PLEKHA8: variants seen among roughly 807,000 people sequenced by gnomAD.
The protein encoded by PLEKHA8 is pleckstrin homology domain containing A8.
PLEKHA8 carries 36 observed loss-of-function variants against 68.2 expected under a neutral mutation model. The ratio of observed to expected loss-of-function variants is 0.53; its 90% CI spans 0.40 to 0.70. PLEKHA8 has a LOEUF of 0.70. Ranked by LOEUF, PLEKHA8 falls within the 30% of genes least tolerant of loss-of-function variation. PLEKHA8 has a pLI of 0.00. For synonymous variants in PLEKHA8, 211 were observed against 216.1 expected, an observed-to-expected ratio of 0.98 and a Z score of 0.20; for missense variants, 505 against 615.4, an observed-to-expected ratio of 0.82 and a Z score of 1.90.
intron 4 of PLEKHA8, 117 bp from the exon 5 acceptor site, chr7:30,049,107 A>G (rs770858904): frequency 6.6e-5 from 80 of 1,216,736 alleles, no homozygotes; most frequent in Non-Finnish European, 8.4e-5. Flanking sequence ...TGATGTACAT[A>G]TTTCAGCAGG....
chr7:30,119,023 G>C (rs900212846), intron 13 of PLEKHA8, among the ~76,000 whole-genome samples: 2 of 152,264 alleles, frequency 1.3e-5, no homozygotes, highest in East Asian at 3.9e-4. Flanking sequence ...ATCAATGGTG[G>C]CCTGAGGGGC....
downstream of PLEKHA8, among the ~76,000 whole-genome samples, chr7:30,093,664 G>A (rs1795499734): frequency 6.6e-6 from 1 of 152,202 alleles, no homozygotes; most frequent in Admixed American, 6.5e-5. Context: ...AATGAGGCAG[G>A]GGATGTAAAT....
rs377635094 is a variant in PLEKHA8, at chr7:30,047,801, G to A, written c.314-31G>A. The stretch of plus-strand genomic sequence containing the variant: ...ACTAGTAAATCAGTTGTTTGTTCTG[G>A]TTACTGCATTATCATCATTTTGTCA... On this transcript the variant is annotated intron_variant, in intron 3 of 13. Coordinates refer to ENST00000449726, the MANE Select transcript of PLEKHA8 (RefSeq NM_001197026.2). The A allele has an allele frequency of 1.7e-5, 27 of 1,594,902 alleles. No homozygotes were observed. The African/African-American group carries it at 2.0e-4, about 12-fold the overall frequency.
At chr7:30,101,417 TGCCAGAAACCG>T (rs1795849422) in intron 13 of PLEKHA8, among the ~76,000 whole-genome samples, 1 of 103,098 alleles carries the variant, frequency 9.7e-6, no homozygotes, top group Non-Finnish European at 2.1e-5. Flanking sequence ...GCCAGCATGG[TGCCAGAAACCG>T]TGGTCGGGTT....
chr7:30,118,202 G>C (rs1796629061), intron 13 of PLEKHA8: 1 of 432,172 alleles, frequency 2.3e-6, no homozygotes, highest in African/African-American at 2.0e-5. Flanking sequence ...CCTGAGTTAA[G>C]TGAGATCTAA....
intron 1 of PLEKHA8, among the ~76,000 whole-genome samples, chr7:30,036,184 A>C (rs1791059419): frequency 6.6e-6 from 1 of 152,030 alleles, no homozygotes; most frequent in Non-Finnish European, 1.5e-5. Flanking sequence ...TGAACCCAGA[A>C]GGTGGAGGTT....
rs777197244 is a variant in PLEKHA8, at chr7:30,045,161, T to C, written c.117T>C (p.Gly39=). 2.2e-5 allele frequency: 35 copies of C among 1,612,288 alleles called. No homozygotes were observed. The highest frequency in any genetic ancestry group is 2.9e-5 in the Non-Finnish European group (34 of 1,179,026). ...ATTCTCCTGAAGATGCCTGGAAAGG[T>C]TGCAAAGGGAGCATACAAATGGCAG... ...YYDSPEDAWK[G]CKGSIQMAVC... is the part of the protein sequence containing the mutation. Residue 39 remains glycine, a synonymous_variant, in exon 2 of 14, where the codon GGT becomes GGC. Transcript: ENST00000449726.
chr7:30,049,534 C>A, intron 5 of PLEKHA8, 152 bp downstream of exon 5: 1 of 937,734 alleles, frequency 1.1e-6, no homozygotes, highest in Non-Finnish European at 1.5e-6. Flanking sequence ...CTGTCCTCAG[C>A]ACCCCATATC....
intron 1 of PLEKHA8, among the ~76,000 whole-genome samples, chr7:30,029,368 G>A (rs1475571936): frequency 6.6e-6 from 1 of 152,088 alleles, no homozygotes; most frequent in East Asian, 1.9e-4. Context: ...TTATTTTCTC[G>A]TTGAGCATTT....
chr7:30,031,362 A>T (rs1332343399), intron 1 of PLEKHA8, among the ~76,000 whole-genome samples: 1 of 152,190 alleles, frequency 6.6e-6, no homozygotes, highest in Non-Finnish European at 1.5e-5. Context: ...CTGAAGGATA[A>T]ATCAAGCTGT....
At position 30,124,124 on chromosome 7, in the gene PLEKHA8, G is replaced by A. The variant is rs190802457; in HGVS notation, c.1363-5142G>A. On this transcript the variant is annotated intron_variant, in intron 13 of 13. Transcript: ENST00000396257. ...AACTGTGTGTGTGCTTTTGTTTTCC[G>A]AGGAAGAAGAGTAATTTTTCCTAAA... Among the ~76,000 whole-genome samples the A allele has an allele frequency of 2.2e-3, 339 of 152,284 alleles. 2 individuals are homozygous for A. Among genetic ancestry groups the A allele is most frequent in the African/African-American group, 7.7e-3 (322 of 41,556 alleles).
chr7:30,082,434 G>A lies in PLEKHA8; in HGVS notation c.*3647G>A, dbSNP rs139738533. 5.3e-4 allele frequency: 525 copies of A among 985,280 alleles called. 7 individuals are homozygous for A. The Admixed American group carries it at 0.022, about 42-fold the overall frequency. The allele number at this position is 985,280 out of a possible 1,614,324, so 61.0% of individuals were successfully genotyped here. A position where few individuals can be genotyped will look rare whatever the true frequency, so the allele number is the denominator to read the frequency against. ...TGCGTGCCTGATCAGTGGGGATTCTGTTCCCCCACCCCCCAGACTGCAAGA... is the reference window on the plus strand; with the variant it reads ...TGCGTGCCTGATCAGTGGGGATTCTATTCCCCCACCCCCCAGACTGCAAGA... On this transcript the variant is annotated 3_prime_UTR_variant, in exon 14 of 14. Coordinates refer to ENST00000449726, the MANE Select transcript of PLEKHA8 (RefSeq NM_001197026.2).
intron 13 of PLEKHA8, among the ~76,000 whole-genome samples, chr7:30,076,820 G>A (rs922534051): frequency 2.1e-4 from 32 of 152,156 alleles, no homozygotes; most frequent in African/African-American, 6.5e-4. Flanking sequence ...TTTCTAACAT[G>A]CTAACTTGCA....
chr7:30,056,182 A>G (rs1792841646), intron 9 of PLEKHA8, among the ~76,000 whole-genome samples: 1 of 148,798 alleles, frequency 6.7e-6, no homozygotes, highest in Admixed American at 6.7e-5. Flanking sequence ...TGACCTCGTG[A>G]TCCGCCTGCC....
intron 13 of PLEKHA8, among the ~76,000 whole-genome samples, chr7:30,104,965 A>C (rs1288237403): frequency 6.6e-6 from 1 of 151,808 alleles, no homozygotes; most frequent in Admixed American, 6.6e-5. Flanking sequence ...TCAGGTGATG[A>C]TCCTCCTGTC....
At chr7:30,043,849 C>T (rs764141001) in intron 1 of PLEKHA8, among the ~76,000 whole-genome samples, 3 of 151,994 alleles carry the variant, frequency 2.0e-5, no homozygotes, top group Non-Finnish European at 4.4e-5. Flanking sequence ...CCCCAAGGGC[C>T]CATCAGATGT....
At position 30,056,304 on chromosome 7, in the gene PLEKHA8, C is replaced by CTATATA. The variant is rs1379058501; in HGVS notation, c.1039+963_1039+964insATATAT. On this transcript the variant is annotated intron_variant, in intron 9 of 13. Coordinates refer to ENST00000449726, the MANE Select transcript of PLEKHA8 (RefSeq NM_001197026.2). ...TCTCTCTCTCTCTCTCTCTCTCTCT[C>CTATATA]TCTCTCTCTATATATATATATATAT... Among the ~76,000 whole-genome samples the CTATATA allele has an allele frequency of 3.2e-5, 3 of 93,904 alleles. No homozygotes were observed. The East Asian group carries it at 1.0e-3, about 32-fold the overall frequency. 61.6% of individuals were successfully genotyped at this position (93,904 alleles called of 152,430 possible).
intron 8 of PLEKHA8, 121 bp from the exon 9 acceptor site, chr7:30,055,136 C>T: frequency 1.2e-6 from 1 of 866,194 alleles, no homozygotes; most frequent in Non-Finnish European, 1.9e-6. Flanking sequence ...GTTACTGGGG[C>T]ATATCAAGTC....
exon 13 of PLEKHA8, chr7:30,090,430 C>T (rs1174510399): frequency 2.5e-6 from 1 of 398,160 alleles, no homozygotes; most frequent in African/African-American, 2.0e-5. Context: ...AACATAATAC[C>T]TGAGTGCCTT....
Sources: allele counts gnomAD v4.1 joint callset (sites outside exome capture counted in the v4.1 genomes callset), GRCh38; gene constraint gnomAD v4.1.1; transcripts MANE v1.5; gene names NCBI Gene and HGNC (gene_info 2026-07-23, HGNC 2026-07-21).